The following PDCD1LG2 variants were observed in gnomAD, a reference collection of about 807,000 sequenced individuals.
PDCD1LG2 encodes B7 dendritic cell molecule.
A neutral mutation model predicts 28.2 loss-of-function variants in PDCD1LG2; 32 were observed. The observed-to-expected ratio is 1.13, with a 90% CI of 0.86 to 1.52. The LOEUF is 1.52. Ranked by LOEUF, PDCD1LG2 falls within the 40% of genes most tolerant of loss-of-function variation. The pLI is 0.00. For synonymous variants in PDCD1LG2, 116 were observed against 120.2 expected (o/e 0.97, Z 0.23); for missense variants, 385 against 323.8 (o/e 1.19, Z -1.45).
chr9:5,514,772 GA>G (rs60002651), intron 1 of PDCD1LG2, among the ~76,000 whole-genome samples: 3,947 of 62,390 alleles, frequency 0.063, 142 homozygotes, highest in African/African-American at 0.19. Context: ...AGTCTCTAAA[GA>G]AAAAAAAAAA....
chr9:5,570,863 T>A lies in PDCD1LG2; in HGVS notation c.*904T>A, dbSNP rs551159973. ...AAATTTGACTTTTCAGTGCCTCAGT[T>A]TGCACATCTGTAATACAGCAATGCT... is the stretch of plus-strand genomic sequence containing the variant. On this transcript the variant is annotated 3_prime_UTR_variant, in exon 7 of 7. Transcript: ENST00000397747. 4.3e-6 allele frequency: 1 copy of A among 232,952 alleles called. No individual in the cohort carries two copies. The highest frequency in any genetic ancestry group is 1.8e-4 in the South Asian group (1 of 5,528). The allele number at this position is 232,952 out of a possible 1,614,324, so 14.4% of individuals were successfully genotyped here.
chr9:5,549,180 CATG>C (rs1172170434), intron 3 of PDCD1LG2, among the ~76,000 whole-genome samples, 152 bp from the exon 4 acceptor site: 1 of 152,146 alleles, frequency 6.6e-6, no homozygotes, highest in African/African-American at 2.4e-5. Context: ...TGGAAAATAG[CATG>C]ATATCAGGGA....
intron 4 of PDCD1LG2, among the ~76,000 whole-genome samples, chr9:5,557,104 G>C (rs543493347): frequency 1.3e-5 from 2 of 152,194 alleles, no homozygotes; most frequent in South Asian, 4.1e-4. Context: ...AACAACTAAT[G>C]GTATAGATTC....
intron 3 of PDCD1LG2, among the ~76,000 whole-genome samples, chr9:5,544,236 A>G (rs898640342): frequency 5.9e-5 from 9 of 152,200 alleles, no homozygotes; most frequent in African/African-American, 2.2e-4. Context: ...AGCCAAACAG[A>G]GAACAGGGAA....
chr9:5,547,057 T>C (rs1816224671), intron 3 of PDCD1LG2, among the ~76,000 whole-genome samples: 1 of 152,110 alleles, frequency 6.6e-6, no homozygotes, highest in Non-Finnish European at 1.5e-5. Context: ...GGGGCAAAAA[T>C]TGTGAAGAAC....
chr9:5,525,378 C>T (rs1384965817), intron 2 of PDCD1LG2, among the ~76,000 whole-genome samples: 3 of 150,060 alleles, frequency 2.0e-5, no homozygotes, highest in South Asian at 2.1e-4. Flanking sequence ...ACACTTATGG[C>T]GGTATTCTCA....
intron 3 of PDCD1LG2, among the ~76,000 whole-genome samples, chr9:5,546,170 C>A (rs750948398): frequency 6.6e-6 from 1 of 152,124 alleles, no homozygotes; most frequent in Non-Finnish European, 1.5e-5. Context: ...CCTCATGTAT[C>A]CCAAGTCAAA....
chr9:5,561,699 T>A (rs1189822907), intron 5 of PDCD1LG2, among the ~76,000 whole-genome samples: 1 of 152,174 alleles, frequency 6.6e-6, no homozygotes. Context: ...TTCAGAACAG[T>A]GTTTCTTAAA....
Position 5,571,256 on chromosome 9 carries a change from G to A in PDCD1LG2, c.*1297G>A, listed in dbSNP as rs558973003. The A allele has an allele frequency of 8.7e-6, 2 of 231,058 alleles. No homozygotes were observed. Among genetic ancestry groups the A allele is most frequent in the Non-Finnish European group, 1.7e-5 (2 of 116,830 alleles). 14.3% of individuals were successfully genotyped at this position (231,058 alleles called of 1,614,324 possible). The stretch of plus-strand genomic sequence containing the variant: ...TAAAACTCAATTGTTATTCTTCAAC[G>A]TTCTTTATATATTCTACTTTTGGGT... On this transcript the variant is annotated 3_prime_UTR_variant, in exon 7 of 7. Transcript: ENST00000397747.
rs1229515001 is a variant in PDCD1LG2, at chr9:5,522,555, C to T, written c.9C>T (p.Phe3=). MI[F]LLLMLSLELQ... ...CAGATCAAATACAGAACATGATCTT[C>T]CTCCTGCTAATGTTGAGCCTGGAAT... is the stretch of plus-strand genomic sequence containing the variant. Residue 3 remains phenylalanine, a synonymous_variant, in exon 2 of 7, where the codon TTC becomes TTT. Coordinates refer to ENST00000397747, the MANE Select transcript of PDCD1LG2 (RefSeq NM_025239.4). The T allele has an allele frequency of 6.2e-7, 1 of 1,613,682 alleles. No homozygotes were observed. Among genetic ancestry groups the T allele is most frequent in the Admixed American group, 1.7e-5 (1 of 59,992 alleles).
At chr9:5,568,721 G>C (rs1001561500) in intron 6 of PDCD1LG2, among the ~76,000 whole-genome samples, 6 of 152,212 alleles carry the variant, frequency 3.9e-5, no homozygotes, top group African/African-American at 1.4e-4. Flanking sequence ...TCTTCAGGCA[G>C]CACAGTTGTC....
intron 2 of PDCD1LG2, among the ~76,000 whole-genome samples, chr9:5,522,841 G>A (rs146606800): frequency 7.2e-4 from 110 of 152,196 alleles, no homozygotes; most frequent in African/African-American, 2.6e-3. Flanking sequence ...CCACTATCCA[G>A]TGAGGGTAAT....
intron 2 of PDCD1LG2, among the ~76,000 whole-genome samples, chr9:5,531,971 C>T (rs1820492523): frequency 6.6e-6 from 1 of 152,190 alleles, no homozygotes; most frequent in Non-Finnish European, 1.5e-5. Context: ...GGTGGCTCTG[C>T]ATTAAGTTAT....
intron 6 of PDCD1LG2, among the ~76,000 whole-genome samples, chr9:5,568,812 T>C (rs1279342303): frequency 6.6e-6 from 1 of 152,218 alleles, no homozygotes; most frequent in Non-Finnish European, 1.5e-5. Flanking sequence ...TTTAATGGTG[T>C]GAAAAGTCTG....
intron 5 of PDCD1LG2, among the ~76,000 whole-genome samples, chr9:5,559,512 G>A (rs866287063): frequency 2.6e-5 from 4 of 152,154 alleles, no homozygotes; most frequent in Non-Finnish European, 4.4e-5. Context: ...CCATTTGTTG[G>A]CTTTCTGACC....
chr9:5,519,711 G>T (rs1398869999), intron 1 of PDCD1LG2, among the ~76,000 whole-genome samples: 1 of 152,058 alleles, frequency 6.6e-6, no homozygotes, highest in African/African-American at 2.4e-5. Flanking sequence ...CCTCCACTTG[G>T]CTATCTAATA....
chr9:5,552,984 G>C (rs1816367759), intron 4 of PDCD1LG2, among the ~76,000 whole-genome samples: 1 of 152,154 alleles, frequency 6.6e-6, no homozygotes, highest in Non-Finnish European at 1.5e-5. Context: ...GTTCTTGTCT[G>C]TAATCCCAGC....
chr9:5,541,730 A>C lies in PDCD1LG2; in HGVS notation c.361+6680A>C, dbSNP rs1222581963. 4.6e-5 allele frequency among the ~76,000 whole-genome samples: 7 copies of C among 152,320 alleles called. No individual in the cohort carries two copies. In the East Asian group the frequency reaches 1.3e-3, roughly 29 times the overall value. On this transcript the variant is annotated intron_variant, in intron 3 of 6. Coordinates refer to ENST00000397747, the MANE Select transcript of PDCD1LG2 (RefSeq NM_025239.4). ...TGAATAGGTACAATCAATATTGTGA[A>C]AATGACCATACTTTGTAGATTGCAA...
intron 4 of PDCD1LG2, among the ~76,000 whole-genome samples, chr9:5,551,339 A>G (rs1816327382): frequency 6.6e-6 from 1 of 152,222 alleles, no homozygotes; most frequent in Admixed American, 6.5e-5. Flanking sequence ...GACAGAGCCT[A>G]TGATAAGGAC....
Sources: gnomAD v4.1 joint callset for allele counts (sites outside exome capture counted in the v4.1 genomes callset) on GRCh38, gnomAD v4.1.1 for gene constraint, MANE v1.5 for transcripts, NCBI Gene and HGNC (gene_info 2026-07-23, HGNC 2026-07-21) for gene names.